The following ROBO1 variants were observed in gnomAD, a reference collection of about 807,000 sequenced individuals.
ROBO1 encodes roundabout homolog 1.
Under a neutral mutation model 195.9 loss-of-function variants are expected in ROBO1, and 149 were observed. That is an observed-to-expected ratio of 0.76 (90% CI 0.67 to 0.87). ROBO1 has a LOEUF of 0.87. ROBO1 is among the 40% of genes least tolerant of loss of function. The probability of loss-of-function intolerance (pLI) is 0.00; values close to 1 mark genes in which losing one functional copy is unlikely to be tolerated. For synonymous variants in ROBO1, 816 were observed against 733.2 expected (o/e 1.11, Z -1.82); for missense variants, 1,933 against 2,068.3 (o/e 0.93, Z 1.27).
intron 2 of ROBO1, among the ~76,000 whole-genome samples, chr3:79,190,185 A>G (rs2081511918): frequency 6.6e-6 from 1 of 151,638 alleles, no homozygotes; most frequent in South Asian, 2.1e-4. Flanking sequence ...TATTGTTCAG[A>G]AATGCATTCT....
At chr3:79,280,876 A>G (rs1391843062) in intron 2 of ROBO1, among the ~76,000 whole-genome samples, 1 of 152,144 alleles carries the variant, frequency 6.6e-6, no homozygotes, top group Non-Finnish European at 1.5e-5. Context: ...ATCTGACAGG[A>G]GGCGGAGCTC....
intron 2 of ROBO1, among the ~76,000 whole-genome samples, chr3:79,557,014 T>C (rs983458207): frequency 4.2e-5 from 6 of 144,576 alleles, no homozygotes; most frequent in African/African-American, 1.1e-4. Flanking sequence ...AATTCCTTTT[T>C]TTGTTGTTTT....
intron 2 of ROBO1, among the ~76,000 whole-genome samples, chr3:79,227,891 G>A (rs765348109): frequency 6.6e-6 from 1 of 152,092 alleles, no homozygotes; most frequent in South Asian, 2.1e-4. Context: ...CTTCTGCTGA[G>A]TTGACCACTT....
intron 10 of ROBO1, among the ~76,000 whole-genome samples, chr3:78,671,019 T>C (rs542062126): frequency 2.6e-5 from 4 of 152,354 alleles, no homozygotes; most frequent in South Asian, 4.1e-4. Flanking sequence ...TACTTCTCTA[T>C]TGGGATTAAT....
intron 3 of ROBO1, among the ~76,000 whole-genome samples, chr3:78,997,333 A>G (rs1576536529): frequency 6.6e-6 from 1 of 152,140 alleles, no homozygotes; most frequent in East Asian, 1.9e-4. Context: ...CCACTAGCAT[A>G]TAGGTTCCAT....
At chr3:78,698,215 C>T (rs2081344396) in intron 8 of ROBO1, among the ~76,000 whole-genome samples, 1 of 152,124 alleles carries the variant, frequency 6.6e-6, no homozygotes, top group African/African-American at 2.4e-5. Context: ...CCCAAATTCT[C>T]AAGTAGTAAA....
chr3:79,137,626 C>T (rs2080437176), intron 2 of ROBO1, among the ~76,000 whole-genome samples: 1 of 151,946 alleles, frequency 6.6e-6, no homozygotes, highest in Non-Finnish European at 1.5e-5. Flanking sequence ...TGATCCTAGC[C>T]ATCATCATCA....
chr3:79,098,324 A>C (rs570230416), intron 3 of ROBO1, among the ~76,000 whole-genome samples: 1 of 151,846 alleles, frequency 6.6e-6, no homozygotes, highest in Non-Finnish European at 1.5e-5. Flanking sequence ...ATAGCTAGAC[A>C]GTAGTCTTGT....
chr3:79,653,593 T>C (rs958401418), intron 1 of ROBO1, among the ~76,000 whole-genome samples: 1 of 152,024 alleles, frequency 6.6e-6, no homozygotes, highest in Non-Finnish European at 1.5e-5. Context: ...ATATTTGCAT[T>C]CCCATTAGGG....
rs1559692720 is a variant in ROBO1, at chr3:78,647,629, C to T, written c.2839G>A (p.Val947Ile). ...GAGGAGGGTAAGTGCAAATATATAC[C>T]TGTTGGTGTGAAGGTAAAAGACGGG... ...KVPSFTFTPT[V>I]TYQRGGEAVS... The change falls in exon 20 of 31, where the codon GTA becomes ATA. Residue 947 changes from valine (V) to isoleucine (I), a missense_variant and splice_region_variant. Around this residue, in one of 3 missense-constraint regions of ROBO1, gnomAD observed 1,737 missense variants for 1,882.5 expected, o/e 0.92. Coordinates refer to ENST00000464233, the MANE Select transcript of ROBO1 (RefSeq NM_002941.4). 1.9e-6 allele frequency: 3 copies of T among 1,611,330 alleles called. No homozygotes were observed. The highest frequency in any genetic ancestry group is 2.2e-5 in the South Asian group (2 of 91,006).
chr3:79,042,343 T>C (rs2078503261), intron 3 of ROBO1, among the ~76,000 whole-genome samples: 1 of 152,168 alleles, frequency 6.6e-6, no homozygotes, highest in South Asian at 2.1e-4. Context: ...AACATGTCTT[T>C]ATCCTTTTAA....
intron 4 of ROBO1, among the ~76,000 whole-genome samples, chr3:78,798,819 T>C (rs1399103553): frequency 6.6e-6 from 1 of 152,058 alleles, no homozygotes; most frequent in Admixed American, 6.6e-5. Flanking sequence ...TATCTGACAA[T>C]GTACAGGTGA....
intron 3 of ROBO1, among the ~76,000 whole-genome samples, chr3:79,121,555 A>G (rs570455527): frequency 2.5e-4 from 38 of 152,012 alleles, no homozygotes; most frequent in Admixed American, 5.9e-4. Flanking sequence ...TGAAATTACT[A>G]TGAAACCTCT....
intron 24 of ROBO1, among the ~76,000 whole-genome samples, chr3:78,631,575 A>C (rs1388407188): frequency 6.6e-6 from 1 of 152,194 alleles, no homozygotes; most frequent in Non-Finnish European, 1.5e-5. Flanking sequence ...TCCTGCAGCA[A>C]TTAATTGCAT....
At chr3:79,023,176 A>T (rs1446245187) in intron 3 of ROBO1, among the ~76,000 whole-genome samples, 1 of 152,184 alleles carries the variant, frequency 6.6e-6, no homozygotes, top group South Asian at 2.1e-4. Flanking sequence ...TGCAATGCAC[A>T]CCAAGGCTGT....
chr3:78,786,644 A>T (rs533963278), intron 4 of ROBO1, among the ~76,000 whole-genome samples: 2 of 152,186 alleles, frequency 1.3e-5, no homozygotes, highest in South Asian at 4.1e-4. Flanking sequence ...ATGATAGTGA[A>T]TAAGTCTCAC....
Position 78,877,641 on chromosome 3 carries a change from AT to A in ROBO1, c.499+60959del, listed in dbSNP as rs5850402. Among the ~76,000 whole-genome samples the A allele has an allele frequency of 8.1e-4, 124 of 152,302 alleles. No individual in the cohort carries two copies. The East Asian group carries it at 0.021, about 26-fold the overall frequency. ...AGCATTATTGCACACTTCTAACTAG[AT>A]TTTTAATTTTAGTATCTCTCAGACC... is the stretch of plus-strand genomic sequence containing the variant. On this transcript the variant is annotated intron_variant, in intron 4 of 30. Coordinates refer to ENST00000464233, the MANE Select transcript of ROBO1 (RefSeq NM_002941.4).
In ROBO1 at chr3:78,597,527, T is replaced by C. The variant is rs1702896096; in HGVS notation, c.*1386A>G. 1 of 152,518 alleles carries C rather than the reference T, an allele frequency of 6.6e-6. No individual in the cohort carries two copies. Among genetic ancestry groups the C allele is most frequent in the Admixed American group, 6.5e-5 (1 of 15,272 alleles). The allele number at this position is 152,518 out of a possible 1,614,324, so 9.4% of individuals were successfully genotyped here. ...GTCAGACCTGATACTTATCTATCTA[T>C]GAATAAATGTACATTTTTTTCTTCA... On this transcript the variant is annotated 3_prime_UTR_variant, in exon 31 of 31. Transcript: ENST00000464233.
intron 4 of ROBO1, among the ~76,000 whole-genome samples, chr3:78,850,497 T>C (rs187622508): frequency 2.0e-5 from 3 of 152,346 alleles, no homozygotes; most frequent in Admixed American, 1.3e-4. Context: ...TATTTTATGT[T>C]ATCCTCTTCT....
Sources: gnomAD v4.1 joint callset for allele counts (sites outside exome capture counted in the v4.1 genomes callset) on GRCh38, gnomAD v4.1.1 for gene constraint, gnomAD v4.1.1 regional missense constraint, MANE v1.5 for transcripts, NCBI Gene and HGNC (gene_info 2026-07-23, HGNC 2026-07-21) for gene names.